MPZL1: variants seen among roughly 807,000 people sequenced by gnomAD.
MPZL1 encodes the protein myelin protein zero like 1.
MPZL1 carries 16 observed loss-of-function variants against 29.3 expected under a neutral mutation model. The observed-to-expected ratio is 0.55, with a 90% CI of 0.37 to 0.83. MPZL1 has a LOEUF of 0.83. Among genes scored for constraint, MPZL1 ranks in the 40% least tolerant of loss-of-function variants. MPZL1 has a pLI of 0.00. For missense variants in MPZL1, 279 were observed against 332.9 expected (o/e 0.84, Z 1.26); for synonymous variants, 143 against 132.0 (o/e 1.08, Z -0.57).
chr1:167,748,226 T>G (rs1290693165), intron 1 of MPZL1, among the ~76,000 whole-genome samples: 3 of 152,202 alleles, frequency 2.0e-5, no homozygotes, highest in Non-Finnish European at 4.4e-5. Context: ...GCCAAACTGT[T>G]TTTCAAAAGG....
chr1:167,728,655 A>G (rs185680112), intron 1 of MPZL1, among the ~76,000 whole-genome samples: 6 of 146,940 alleles, frequency 4.1e-5, no homozygotes, highest in Admixed American at 3.4e-4. Flanking sequence ...CAGAGTCTCT[A>G]GAAACTGTGA....
Position 167,773,230 on chromosome 1 carries a change from C to G in MPZL1, c.473-6C>G. 1 of 1,611,264 alleles carries G rather than the reference C, an allele frequency of 6.2e-7. No individual in the cohort carries two copies. Among genetic ancestry groups the G allele is most frequent in the Non-Finnish European group, 8.5e-7 (1 of 1,178,306 alleles). Reference sequence around the variant, plus strand: ...ACCTTAAAACTATTTTGTTCTTTCTCTCTAGAGAATTTGCCTGTGTTTCCA... The same window carrying G: ...ACCTTAAAACTATTTTGTTCTTTCTGTCTAGAGAATTTGCCTGTGTTTCCA... On this transcript the variant is annotated splice_region_variant and splice_polypyrimidine_tract_variant and intron_variant, in intron 3 of 5. Coordinates refer to ENST00000359523, the MANE Select transcript of MPZL1 (RefSeq NM_003953.6).
intron 5 of MPZL1, among the ~76,000 whole-genome samples, chr1:167,784,270 G>GGCCT (rs1661548582): frequency 6.6e-6 from 1 of 152,078 alleles, no homozygotes. Context: ...CAATAGCTAA[G>GGCCT]GCCTATTCAT....
chr1:167,785,043 C>G (rs986794246), intron 5 of MPZL1, among the ~76,000 whole-genome samples: 5 of 152,176 alleles, frequency 3.3e-5, no homozygotes, highest in African/African-American at 9.7e-5. Context: ...TCATTCTTTT[C>G]TACTCACATA....
chr1:167,784,027 A>G (rs1558126901), intron 5 of MPZL1, among the ~76,000 whole-genome samples: 1 of 152,200 alleles, frequency 6.6e-6, no homozygotes, highest in Non-Finnish European at 1.5e-5. Context: ...AAGGTGTACT[A>G]CAGGACACAA....
chr1:167,757,890 C>T (rs922962051), intron 1 of MPZL1, among the ~76,000 whole-genome samples: 1 of 152,118 alleles, frequency 6.6e-6, no homozygotes, highest in African/African-American at 2.4e-5. Context: ...TGGCTCACAC[C>T]TTTAGTCCCA....
intron 2 of MPZL1, among the ~76,000 whole-genome samples, chr1:167,771,356 T>C (rs981630442): frequency 9.8e-5 from 15 of 152,312 alleles, no homozygotes; most frequent in Admixed American, 9.1e-4. Context: ...GAATTTTTCT[T>C]AGTACAGAAC....
intron 1 of MPZL1, among the ~76,000 whole-genome samples, chr1:167,745,851 C>A (rs941260659): frequency 6.6e-6 from 1 of 151,960 alleles, no homozygotes; most frequent in African/African-American, 2.4e-5. Context: ...AGACAACATG[C>A]CTTTCAGGTT....
chr1:167,761,206 G>A (rs540129011), intron 1 of MPZL1, among the ~76,000 whole-genome samples: 36 of 152,268 alleles, frequency 2.4e-4, no homozygotes, highest in African/African-American at 8.4e-4. Flanking sequence ...AAATAAAGGA[G>A]GACAAAGGGG....
chr1:167,777,609 A>G (rs1348992177), intron 5 of MPZL1, among the ~76,000 whole-genome samples: 2 of 152,194 alleles, frequency 1.3e-5, no homozygotes, highest in Non-Finnish European at 2.9e-5. Flanking sequence ...CGAGCACTTC[A>G]GAGATTTGGA....
intron 5 of MPZL1, among the ~76,000 whole-genome samples, chr1:167,776,675 TG>T (rs781013586): frequency 6.6e-6 from 1 of 152,248 alleles, no homozygotes; most frequent in Non-Finnish European, 1.5e-5. Flanking sequence ...GGAATGGTTT[TG>T]GTTTCTACTT....
chr1:167,744,680 T>C (rs1660606603), intron 1 of MPZL1, among the ~76,000 whole-genome samples: 1 of 86,922 alleles, frequency 1.2e-5, no homozygotes, highest in South Asian at 3.2e-4. Flanking sequence ...CGAAACTCAG[T>C]CTCAAAAAAA....
intron 3 of MPZL1, 40 bp downstream of exon 3, chr1:167,772,528 C>T: frequency 6.5e-7 from 1 of 1,526,802 alleles, no homozygotes; most frequent in East Asian, 2.3e-5. Flanking sequence ...ATGCAGTCTC[C>T]TTTATCTCAT....
In MPZL1 at chr1:167,782,234, G is replaced by A. The variant is rs533735082; in HGVS notation, c.709-5586G>A. 2.4e-4 allele frequency among the ~76,000 whole-genome samples: 37 copies of A among 151,990 alleles called. No homozygotes were observed. The South Asian group carries it at 7.3e-3, about 30-fold the overall frequency. On this transcript the variant is annotated intron_variant, in intron 5 of 5. Transcript: ENST00000359523. ...TTTGGTTCTTTTTTAAATATACCTGGTTAATTTTGATAGTTCCTTATAACT... is the reference window on the plus strand; with the variant it reads ...TTTGGTTCTTTTTTAAATATACCTGATTAATTTTGATAGTTCCTTATAACT...
At chr1:167,772,803 G>C (rs1661280213) in intron 3 of MPZL1, among the ~76,000 whole-genome samples, 1 of 152,194 alleles carries the variant, frequency 6.6e-6, no homozygotes, top group African/African-American at 2.4e-5. Flanking sequence ...GGATGTGATG[G>C]GCAGTGGGAA....
At chr1:167,728,331 A>C (rs1038788884) in intron 1 of MPZL1, among the ~76,000 whole-genome samples, 1 of 146,636 alleles carries the variant, frequency 6.8e-6, no homozygotes, top group Admixed American at 6.8e-5. Flanking sequence ...GCCCTGCCCA[A>C]ATTTTTTTTC....
chr1:167,744,557 G>C (rs950094604), intron 1 of MPZL1, among the ~76,000 whole-genome samples: 1 of 151,728 alleles, frequency 6.6e-6, no homozygotes, highest in East Asian at 1.9e-4. Flanking sequence ...GGTCGTGTGC[G>C]TCTATAATCC....
rs12046881 is a variant in MPZL1 at position 167,767,872 on chromosome 1, T to C, written c.258+2123T>C. Among the ~76,000 whole-genome samples the C allele has an allele frequency of 3.4e-3, 511 of 151,032 alleles. 12 individuals are homozygous for C. Among genetic ancestry groups the C allele is most frequent in the Admixed American group, 0.03 (451 of 15,014 alleles). On this transcript the variant is annotated intron_variant, in intron 2 of 5. Transcript: ENST00000359523. ...TGTAATCATTTTGTTTTGTTTTGTT[T>C]TGTTTTGTTTTGTTTTGTTTTGTGT...
intron 1 of MPZL1, among the ~76,000 whole-genome samples, chr1:167,751,038 A>C (rs1660744452): frequency 6.6e-6 from 1 of 152,246 alleles, no homozygotes; most frequent in Non-Finnish European, 1.5e-5. Context: ...TACCTGATCT[A>C]AGGAGAAAGG....
Sources: allele counts gnomAD v4.1 joint callset (sites outside exome capture counted in the v4.1 genomes callset), GRCh38; gene constraint gnomAD v4.1.1; transcripts MANE v1.5; gene names NCBI Gene and HGNC (gene_info 2026-07-23, HGNC 2026-07-21).